DYM: variants seen among roughly 807,000 people sequenced by gnomAD.
DYM encodes the protein dyggve-Melchior-Clausen syndrome protein.
In DYM, 78 loss-of-function variants were observed where a neutral mutation model predicts 93.1. That is an observed-to-expected ratio of 0.84 (90% CI 0.70 to 1.01). DYM has a LOEUF of 1.01. Ranked by LOEUF, DYM falls within the 50% of genes least tolerant of loss-of-function variation. The pLI, the probability that DYM is intolerant of heterozygous loss-of-function variation, is 0.00. For missense variants in DYM, 789 were observed against 845.0 expected (o/e 0.93, Z 0.82); for synonymous variants, 321 against 319.7 (o/e 1.00, Z -0.04).
Position 49,307,379 on chromosome 18 carries a change from C to T in DYM, c.764-20763G>A, listed in dbSNP as rs557328035. 2.4e-4 allele frequency among the ~76,000 whole-genome samples: 37 copies of T among 152,236 alleles called. 1 individual carries two copies. In the South Asian group the frequency reaches 6.8e-3, roughly 28 times the overall value. On this transcript the variant is annotated intron_variant, in intron 8 of 17. Coordinates refer to ENST00000675505, the MANE Select transcript of DYM (RefSeq NM_001353214.3). ...ATGGCTAAACCAGCTCCAGCCATCA[C>T]ATCTTCATTCAAGTCAGCAGGAAAA...
intron 17 of DYM, among the ~76,000 whole-genome samples, chr18:49,053,024 G>C (rs1396620355): frequency 6.6e-6 from 1 of 152,220 alleles, no homozygotes. Context: ...CCTCAAGCTT[G>C]TAGCTTGGTC....
chr18:49,188,293 T>C (rs773415931), intron 14 of DYM, among the ~76,000 whole-genome samples: 4 of 152,170 alleles, frequency 2.6e-5, no homozygotes, highest in Non-Finnish European at 4.4e-5. Flanking sequence ...GTAGAAGTAC[T>C]TCATCCAGGG....
At chr18:49,452,247 G>T (rs1433991655) in intron 1 of DYM, among the ~76,000 whole-genome samples, 2 of 152,220 alleles carry the variant, frequency 1.3e-5, no homozygotes, top group African/African-American at 4.8e-5. Flanking sequence ...GACCTTCGCG[G>T]TGAGTGTTAC....
chr18:49,196,479 T>C (rs2091461889), intron 14 of DYM, among the ~76,000 whole-genome samples: 1 of 151,874 alleles, frequency 6.6e-6, no homozygotes, highest in Admixed American at 6.6e-5. Flanking sequence ...TTTCTGCCCT[T>C]ATGGAACTAA....
At chr18:49,308,616 T>C (rs2061407284) in intron 8 of DYM, among the ~76,000 whole-genome samples, 1 of 152,202 alleles carries the variant, frequency 6.6e-6, no homozygotes, top group African/African-American at 2.4e-5. Context: ...CTCCCATCTA[T>C]GATCTGTACT....
At chr18:49,148,933 C>T (rs772333029) in intron 15 of DYM, among the ~76,000 whole-genome samples, 10 of 152,092 alleles carry the variant, frequency 6.6e-5, no homozygotes, top group Non-Finnish European at 1.0e-4. Flanking sequence ...TTATTGTGCA[C>T]TTTATTTCTA....
At chr18:49,270,562 A>G (rs900054387) in intron 11 of DYM, among the ~76,000 whole-genome samples, 1 of 152,282 alleles carries the variant, frequency 6.6e-6, no homozygotes. Context: ...AAAGGAGAGT[A>G]TCATTGCTCT....
intron 15 of DYM, among the ~76,000 whole-genome samples, chr18:49,130,338 A>T (rs2083269949): frequency 6.6e-6 from 1 of 152,248 alleles, no homozygotes; most frequent in African/African-American, 2.4e-5. Flanking sequence ...CTGCTCAAGA[A>T]GGAACCAACT....
chr18:49,339,302 G>T (rs2063906734), intron 6 of DYM, among the ~76,000 whole-genome samples: 1 of 152,130 alleles, frequency 6.6e-6, no homozygotes, highest in African/African-American at 2.4e-5. Flanking sequence ...AAATATAGTA[G>T]GCATCCTCTA....
At chr18:49,142,534 G>T (rs540414251) in intron 15 of DYM, among the ~76,000 whole-genome samples, 1 of 152,244 alleles carries the variant, frequency 6.6e-6, no homozygotes, top group Non-Finnish European at 1.5e-5. Flanking sequence ...CATGTATTGA[G>T]AATACAGATT....
intron 13 of DYM, among the ~76,000 whole-genome samples, chr18:49,217,571 C>T (rs2093134015): frequency 6.6e-6 from 1 of 152,214 alleles, no homozygotes; most frequent in Admixed American, 6.5e-5. Flanking sequence ...AGAAACTCCA[C>T]AAGCCAGAAG....
intron 16 of DYM, among the ~76,000 whole-genome samples, chr18:49,105,716 T>C (rs1001077837): frequency 6.6e-6 from 1 of 152,188 alleles, no homozygotes; most frequent in African/African-American, 2.4e-5. Context: ...AGTTGAGCGG[T>C]TTTGAGTGAG....
At chr18:49,292,607 A>C (rs1205354002) in intron 8 of DYM, among the ~76,000 whole-genome samples, 1,971 of 70,344 alleles carry the variant, frequency 0.028, 86 homozygotes, top group South Asian at 0.083. Flanking sequence ...AAAAAAAAAA[A>C]AAAAAAAAAA....
chr18:49,289,725 GTGTATATA>G (rs1206999569), intron 8 of DYM, among the ~76,000 whole-genome samples: 12 of 13,738 alleles, frequency 8.7e-4, no homozygotes, highest in African/African-American at 1.6e-3. Context: ...ATATATATAT[GTGTATATA>G]TATATATATA....
intron 17 of DYM, among the ~76,000 whole-genome samples, chr18:49,086,572 A>G (rs1269217389): frequency 6.6e-6 from 1 of 152,186 alleles, no homozygotes; most frequent in Non-Finnish European, 1.5e-5. Flanking sequence ...CATAGATTGA[A>G]TGTGTTCCCC....
rs138105449 is a variant in DYM at position 49,165,137 on chromosome 18, G to A, written c.1626-1350C>T. 7.4e-4 allele frequency among the ~76,000 whole-genome samples: 112 copies of A among 152,112 alleles called. 1 individual carries two copies. The highest frequency in any genetic ancestry group is 2.3e-3 in the East Asian group (12 of 5,184). On this transcript the variant is annotated intron_variant, in intron 14 of 17. Coordinates refer to ENST00000675505, the MANE Select transcript of DYM (RefSeq NM_001353214.3). ...AGTTGGAATGGCCATGTTAATTTCC[G>A]ACAAAGTAGGCTTAAGAACAATATT...
chr18:49,370,193 G>A (rs112418845), intron 5 of DYM, among the ~76,000 whole-genome samples: 13,795 of 150,820 alleles, frequency 0.091, 846 homozygotes, highest in East Asian at 0.31. Flanking sequence ...CAGGAGAATT[G>A]CATGAACCTG....
At position 49,364,807 on chromosome 18, in the gene DYM, G is replaced by A. The variant is rs114595952; in HGVS notation, c.422-1574C>T. Among the ~76,000 whole-genome samples, 520 of 152,074 alleles carry A rather than the reference G, an allele frequency of 3.4e-3. 3 individuals carry two copies. Among genetic ancestry groups the A allele is most frequent in the African/African-American group, 0.012 (483 of 41,450 alleles). ...ACCTCAGTAACATTCCCTCTGCCTG[G>A]AATAGCCTCCAACAATAAAAACCTA... On this transcript the variant is annotated intron_variant, in intron 5 of 17. Coordinates refer to ENST00000675505, the MANE Select transcript of DYM (RefSeq NM_001353214.3).
intron 8 of DYM, chr18:49,321,119 A>T (rs1406735585): frequency 5.8e-6 from 2 of 347,052 alleles, no homozygotes; most frequent in Admixed American, 9.3e-5. Context: ...TTATAGTCTC[A>T]AAAAATAGAA....
Sources: gnomAD v4.1 joint callset for allele counts (sites outside exome capture counted in the v4.1 genomes callset) on GRCh38, gnomAD v4.1.1 for gene constraint, MANE v1.5 for transcripts, NCBI Gene and HGNC (gene_info 2026-07-23, HGNC 2026-07-21) for gene names.